KLF10: variants seen among roughly 807,000 people sequenced by gnomAD.
KLF10 encodes the protein Krueppel-like factor 10.
In KLF10, 17 loss-of-function variants were observed where a neutral mutation model predicts 31.6. The observed-to-expected ratio is 0.54, with a 90% confidence interval of 0.37 to 0.81. The LOEUF (loss-of-function observed/expected upper bound fraction) is 0.81, where lower values mean the gene tolerates loss of function less well. Among genes scored for constraint, KLF10 ranks in the 30% least tolerant of loss-of-function variants. The pLI, the probability that KLF10 is intolerant of heterozygous loss-of-function variation, is 0.00. For synonymous variants in KLF10, 239 were observed against 215.1 expected (o/e 1.11, Z -0.97); for missense variants, 525 against 598.1 (o/e 0.88, Z 1.27).
At chr8:102,653,785 G>A (rs1404408571) in intron 1 of KLF10, 2 of 1,080,938 alleles carry the variant, frequency 1.9e-6, no homozygotes, top group Non-Finnish European at 2.3e-6. Flanking sequence ...GGGAAAGAGA[G>A]CGTGAGCTGG....
At position 102,651,322 on chromosome 8, in the gene KLF10, T is replaced by C. The variant is rs1307576689; in HGVS notation, c.1010A>G (p.Asn337Ser). ...QSSKPPVVSP[N>S]GTRLSPIAPA... ...GGCAATGGGAGAGAGTCTGGTGCCA[T>C]TCGGGCTCACCACCGGAGGCTTTGA... The change falls in exon 3 of 4, where the codon AAT (asparagine) becomes AGT (serine). Residue 337 changes from asparagine (N) to serine (S), a missense_variant. This residue lies in a region of KLF10 where 434 missense variants were observed against 450.7 expected (regional missense o/e 0.96). Transcript: ENST00000285407. 11 of 1,599,292 alleles carry C rather than the reference T, an allele frequency of 6.9e-6. No homozygotes were observed. Among genetic ancestry groups the C allele is most frequent in the African/African-American group, 2.7e-5 (2 of 74,360 alleles).
Position 102,652,187 on chromosome 8 carries a change from C to G in KLF10, c.247G>C (p.Asp83His), listed in dbSNP as rs1288980344. 6.3e-7 allele frequency: 1 copy of G among 1,599,340 alleles called. No individual in the cohort carries two copies. The change falls in exon 2 of 4, where the codon GAT becomes CAT. Residue 83 changes from aspartate to histidine, a missense_variant. Physicochemically the swap from Asp to His is moderately conservative, Grantham distance 81. Coordinates refer to ENST00000285407, the MANE Select transcript of KLF10 (RefSeq NM_005655.4). ...EEENLLPGTP[D>H]FHTIPAFCLT... The stretch of plus-strand genomic sequence containing the variant: ...ACAAATGCTGGGATTGTATGAAAAT[C>G]AGGTGTTCCCGGAAGCAGATTCTCT...
chr8:102,650,665 G>A (rs879063395), intron 3 of KLF10, among the ~76,000 whole-genome samples: 18 of 152,092 alleles, frequency 1.2e-4, no homozygotes, highest in Non-Finnish European at 1.5e-5. Flanking sequence ...AGGATAGCTT[G>A]AGCCCAGAAG....
chr8:102,650,420 A>G (rs1563959509), intron 3 of KLF10, 29 bp from the exon 4 acceptor site: 1 of 1,596,232 alleles, frequency 6.3e-7, no homozygotes. Flanking sequence ...AATCATTATT[A>G]TGCATAAGAT....
rs768878748 is a variant in KLF10, at chr8:102,650,270, G to A, written c.1305C>T (p.Asp435=). ...AATGGTCACTCCTCATGAACCGCCG[G>A]TCACACATGGGGCACGCAAATTTCT... ...GEKKFACPMC[D]RRFMRSDHLT... The change falls in exon 4 of 4, where the codon GAC becomes GAT. Residue 435 remains aspartate, a synonymous_variant. Coordinates refer to ENST00000285407, the MANE Select transcript of KLF10 (RefSeq NM_005655.4). The A allele has an allele frequency of 3.7e-6, 6 of 1,614,064 alleles. No individual in the cohort carries two copies. Among genetic ancestry groups the A allele is most frequent in the African/African-American group, 1.3e-5 (1 of 74,906 alleles).
chr8:102,654,149 G>A (rs1349330009), intron 1 of KLF10: 33 of 166,572 alleles, frequency 2.0e-4, no homozygotes, highest in Non-Finnish European at 3.4e-4. Context: ...TGCTCCGGGA[G>A]GCGCAGGAAA....
intron 1 of KLF10, chr8:102,653,822 G>T: frequency 9.7e-7 from 1 of 1,030,458 alleles, no homozygotes; most frequent in Non-Finnish European, 1.2e-6. Flanking sequence ...AACAGGGAGG[G>T]GAGGAAAGGG....
intron 1 of KLF10, among the ~76,000 whole-genome samples, chr8:102,654,718 C>G (rs1229130748): frequency 2.0e-5 from 3 of 151,818 alleles, no homozygotes; most frequent in African/African-American, 7.3e-5. Context: ...GTGCAGCCCC[C>G]ACAGGCCCCG....
Position 102,652,301 on chromosome 8 carries a change from G to C in KLF10, c.133C>G (p.Leu45Val). 1 of 1,613,342 alleles carries C rather than the reference G, an allele frequency of 6.2e-7. No homozygotes were observed. The highest frequency in any genetic ancestry group is 8.5e-7 in the Non-Finnish European group (1 of 1,179,502). ...TTCCAACTGCAGCTCATTGACATAA[G>C]TGCTTCTACAGCTTCAAAATCACTT... ...EKSDFEAVEALMSMSCSWKSD... is the reference protein window; with the variant it reads ...EKSDFEAVEAVMSMSCSWKSD... The change falls in exon 2 of 4, where the codon CTT becomes GTT. Residue 45 changes from leucine to valine, a missense_variant. By Grantham distance (32) the Leu-to-Val change is conservative (BLOSUM62 1). Around this residue, in one of 3 missense-constraint regions of KLF10, gnomAD observed 434 missense variants for 450.7 expected, o/e 0.96. Coordinates refer to ENST00000285407, the MANE Select transcript of KLF10 (RefSeq NM_005655.4).
rs566929945 is a variant in KLF10 at position 102,653,858 on chromosome 8, A to AGCGCGGGCGGAG, written c.37-1473_37-1462dup. Reference sequence around the variant, plus strand: ...AGTGGGGCGCGAGGCAGGAAAGGGAAGCGCGGGCGGAGGCGCGGGCGGGGG... The same window carrying AGCGCGGGCGGAG: ...AGTGGGGCGCGAGGCAGGAAAGGGAAGCGCGGGCGGAGGCGCGGGCGGAGGCGCGGGCGGGGG... On this transcript the variant is annotated intron_variant, in intron 1 of 3. Coordinates refer to ENST00000285407, the MANE Select transcript of KLF10 (RefSeq NM_005655.4). The AGCGCGGGCGGAG allele has an allele frequency of 1.8e-4, 159 of 888,748 alleles. No individual in the cohort carries two copies. In the Middle Eastern group the frequency reaches 2.2e-3, roughly 13 times the overall value. 55.1% of individuals were successfully genotyped at this position (888,748 alleles called of 1,614,324 possible).
At position 102,651,901 on chromosome 8, in the gene KLF10, G is replaced by A. The variant is rs142385237; in HGVS notation, c.431C>T (p.Ala144Val). 1.2e-6 allele frequency: 2 copies of A among 1,614,022 alleles called. No individual in the cohort carries two copies. Among genetic ancestry groups the A allele is most frequent in the East Asian group, 2.2e-5 (1 of 44,888 alleles). Reference sequence around the variant, plus strand: ...TGCCTGAGCTTTGGGGAGTTTGGGGGCAGATACTGGGCTCTTTTCTTCCTC... The same window carrying A: ...TGCCTGAGCTTTGGGGAGTTTGGGGACAGATACTGGGCTCTTTTCTTCCTC... ...FKEEEKSPVS[A>V]PKLPKAQATS... Residue 144 changes from alanine to valine, a missense_variant, in exon 3 of 4, where the codon GCC (alanine) becomes GTC (valine). Ala to Val is a moderately conservative substitution (Grantham distance 64). Transcript: ENST00000285407.
Position 102,651,698 on chromosome 8 carries a change from A to G in KLF10, c.634T>C (p.Cys212Arg). 6.2e-7 allele frequency: 1 copy of G among 1,614,200 alleles called. No homozygotes were observed. The highest frequency in any genetic ancestry group is 8.5e-7 in the Non-Finnish European group (1 of 1,180,034). Residue 212 changes from cysteine (C) to arginine (R), a missense_variant, in exon 3 of 4, where the codon TGT becomes CGT. Coordinates refer to ENST00000285407, the MANE Select transcript of KLF10 (RefSeq NM_005655.4). ...ACATCTGCCACTGTGTTTCTCTCAC[A>G]TTTGGATCTGTTTGGTGACACAGCG... ...CAAVSPNRSK[C>R]ERNTVADVDE...
chr8:102,651,458 T>C lies in KLF10; in HGVS notation c.874A>G (p.Ser292Gly), dbSNP rs764399029. ...GCTGGTGGCTGGCTGGGAGGAGTGC[T>C]GGGAACGACTGTTGTCACAACAGGG... ...NNPVVTTVVP[S>G]TPPSQPPAVC... The change falls in exon 3 of 4, where the codon AGC becomes GGC. Residue 292 changes from serine (S) to glycine (G), a missense_variant. Around this residue, in one of 3 missense-constraint regions of KLF10, gnomAD observed 434 missense variants for 450.7 expected, o/e 0.96. Transcript: ENST00000285407. 3 of 1,613,888 alleles carry C rather than the reference T, an allele frequency of 1.9e-6. No homozygotes were observed. The Admixed American group carries it at 5.0e-5, about 27-fold the overall frequency.
chr8:102,655,140 G>A (rs930745999), intron 1 of KLF10, among the ~76,000 whole-genome samples: 1 of 152,028 alleles, frequency 6.6e-6, no homozygotes, highest in African/African-American at 2.4e-5. Context: ...GAGCCAGACC[G>A]GGCATCTCTC....
At chr8:102,652,705 A>C (rs775557823) in intron 1 of KLF10, among the ~76,000 whole-genome samples, 1 of 152,186 alleles carries the variant, frequency 6.6e-6, no homozygotes, top group Non-Finnish European at 1.5e-5. Flanking sequence ...ACTACCATTA[A>C]GGGGACTAAG....
chr8:102,652,471 T>A (rs74425907), intron 1 of KLF10, 74 bp from the exon 2 acceptor site: 18 of 125,284 alleles, frequency 1.4e-4, no homozygotes, highest in South Asian at 5.6e-4. Flanking sequence ...AATGAGCAAA[T>A]TTTTTTTTTT....
intron 1 of KLF10, 129 bp from the exon 2 acceptor site, chr8:102,652,526 TA>T (rs1271991251): frequency 5.2e-6 from 3 of 580,216 alleles, no homozygotes; most frequent in Non-Finnish European, 5.9e-6. Context: ...AAATCAGAAA[TA>T]ATTTTCCTCT....
rs147192922 is a variant in KLF10 at position 102,650,036 on chromosome 8, G to A, written c.*96C>T. ...TGTGGGGCTTCTGCTTTAAGCCCAC[G>A]TTGTGGGGCCACAGACTTGCAGTGG... On this transcript the variant is annotated 3_prime_UTR_variant, in exon 4 of 4. Coordinates refer to ENST00000285407, the MANE Select transcript of KLF10 (RefSeq NM_005655.4). 24 of 1,472,484 alleles carry A rather than the reference G, an allele frequency of 1.6e-5. 1 individual carries two copies. The highest frequency in any genetic ancestry group is 8.0e-5 in the South Asian group (6 of 75,144). The allele number at this position is 1,472,484 out of a possible 1,614,324, so 91.2% of individuals were successfully genotyped here. A position where few individuals can be genotyped will look rare whatever the true frequency, so the allele number is the denominator to read the frequency against.
At chr8:102,653,929 G>C in intron 1 of KLF10, 1 of 987,782 alleles carries the variant, frequency 1.0e-6, no homozygotes, top group Non-Finnish European at 1.2e-6. Flanking sequence ...ATCCTAGCTG[G>C]CGGAGACCGA....
Sources: allele counts gnomAD v4.1 joint callset (sites outside exome capture counted in the v4.1 genomes callset), GRCh38; gene constraint gnomAD v4.1.1; regional missense constraint gnomAD v4.1.1; transcripts MANE v1.5; gene names NCBI Gene and HGNC (gene_info 2026-07-23, HGNC 2026-07-21).